Variants in MAP3K19 observed in about 807,000 individuals in gnomAD.
The protein encoded by MAP3K19 is mitogen-activated protein kinase kinase kinase 19.
A neutral mutation model predicts 114.4 loss-of-function variants in MAP3K19; 91 were observed. The observed-to-expected ratio is 0.80, with a 90% confidence interval of 0.67 to 0.95. MAP3K19 has a LOEUF of 0.95. MAP3K19 is among the 40% of genes least tolerant of loss of function. MAP3K19 has a pLI of 0.00. For missense variants in MAP3K19, 1,471 were observed against 1,573.2 expected, an observed-to-expected ratio of 0.94 and a Z score of 1.10; for synonymous variants, 518 against 530.5, an observed-to-expected ratio of 0.98 and a Z score of 0.32.
In MAP3K19 at chr2:134,986,896, C is replaced by G. The variant is rs749661940; in HGVS notation, c.1976G>C (p.Gly659Ala). Residue 659 changes from glycine (G) to alanine (A), a missense_variant, in exon 10 of 13, where the codon GGA (glycine) becomes GCA (alanine). Coordinates refer to ENST00000392915, the MANE Select transcript of MAP3K19 (RefSeq NM_025052.5). ...MFKEINSTAN[G>A]PGIYEMFGTP... is the part of the protein sequence containing the mutation. ...CCCAAACATTTCATAGATTCCAGGT[C>G]CATTAGCAGTTGAATTGATTTCTTT... The G allele has an allele frequency of 1.2e-6, 2 of 1,613,998 alleles. No individual in the cohort carries two copies. Among genetic ancestry groups the G allele is most frequent in the Non-Finnish European group, 1.7e-6 (2 of 1,180,044 alleles).
At chr2:134,984,482 G>A (rs1466569032) in intron 10 of MAP3K19, among the ~76,000 whole-genome samples, 1 of 151,988 alleles carries the variant, frequency 6.6e-6, no homozygotes, top group African/African-American at 2.4e-5. Flanking sequence ...GACCTACAAT[G>A]TGCAGCAACC....
intron 5 of MAP3K19, among the ~76,000 whole-genome samples, chr2:135,015,837 G>A (rs914500190): frequency 7.9e-5 from 12 of 151,556 alleles, no homozygotes; most frequent in African/African-American, 2.7e-4. Context: ...AGGTTGCAGT[G>A]AGCCGAGATT....
At position 134,987,951 on chromosome 2, in the gene MAP3K19, G is replaced by A. The variant is rs149781960; in HGVS notation, c.921C>T (p.Asn307=). 9.7e-4 allele frequency: 1,564 copies of A among 1,614,186 alleles called. 15 individuals are homozygous for A. In the Middle Eastern group the frequency reaches 0.027, roughly 28 times the overall value. Residue 307 remains asparagine, a synonymous_variant, in exon 10 of 13, where the codon AAC becomes AAT. Transcript: ENST00000392915. ...HHRQCLEKEE[N]WKSKEIEECN... Reference sequence around the variant, plus strand: ...ATTCTTCTATTTCCTTGGATTTCCAGTTTTCCTCCTTCTCCAGGCATTGCC... The same window carrying A: ...ATTCTTCTATTTCCTTGGATTTCCAATTTTCCTCCTTCTCCAGGCATTGCC...
Position 134,988,108 on chromosome 2 carries a change from G to C in MAP3K19, c.764C>G (p.Ser255Cys), listed in dbSNP as rs1189036846. The change falls in exon 10 of 13, where the codon TCT becomes TGT. Residue 255 changes from serine (S) to cysteine (C), a missense_variant. Ser to Cys is a moderately radical substitution (Grantham distance 112). Coordinates refer to ENST00000392915, the MANE Select transcript of MAP3K19 (RefSeq NM_025052.5). ...VPKLSVSVRQ[S>C]DELSPSNEPP... ...CTCGTTTGATGGGCTGAGCTCATCAGATTGACGAACAGACACTGAGAGCTT... is the reference window on the plus strand; with the variant it reads ...CTCGTTTGATGGGCTGAGCTCATCACATTGACGAACAGACACTGAGAGCTT... 1 of 1,614,104 alleles carries C rather than the reference G, an allele frequency of 6.2e-7. No individual in the cohort carries two copies. Among genetic ancestry groups the C allele is most frequent in the African/African-American group, 1.3e-5 (1 of 75,036 alleles).
At chr2:135,032,212 C>G (rs1422567188) in intron 2 of MAP3K19, among the ~76,000 whole-genome samples, 1 of 151,904 alleles carries the variant, frequency 6.6e-6, no homozygotes, top group Non-Finnish European at 1.5e-5. Context: ...CAAAAATTAG[C>G]CAGGCACAGT....
At chr2:135,023,718 C>T in intron 4 of MAP3K19, 2 of 385,924 alleles carry the variant, frequency 5.2e-6, no homozygotes, top group Non-Finnish European at 1.0e-5. Context: ...ACTCTCACAC[C>T]CCACCCAAGG....
chr2:135,000,574 A>G (rs2105296720), intron 6 of MAP3K19, among the ~76,000 whole-genome samples: 1 of 152,332 alleles, frequency 6.6e-6, no homozygotes, highest in East Asian at 1.9e-4. Context: ...GTGTTCATTC[A>G]TTCCTTTTTT....
intron 12 of MAP3K19, among the ~76,000 whole-genome samples, chr2:134,975,770 C>A (rs569320687): frequency 6.6e-6 from 1 of 152,170 alleles, no homozygotes; most frequent in Non-Finnish European, 1.5e-5. Context: ...AGGGCACATG[C>A]AAATGTGCTG....
chr2:135,001,750 A>C (rs1281239823), intron 6 of MAP3K19, among the ~76,000 whole-genome samples: 2 of 152,248 alleles, frequency 1.3e-5, no homozygotes, highest in Non-Finnish European at 2.9e-5. Flanking sequence ...CATATTTAAG[A>C]ACAACTGTAC....
At chr2:135,037,026 TC>T in intron 2 of MAP3K19, among the ~76,000 whole-genome samples, 1 of 150,468 alleles carries the variant, frequency 6.6e-6, no homozygotes, top group Non-Finnish European at 1.5e-5. Flanking sequence ...AGACAGAATC[TC>T]CCTCTGTTGC....
intron 6 of MAP3K19, among the ~76,000 whole-genome samples, chr2:135,003,320 A>G (rs1686583862): frequency 6.6e-6 from 1 of 152,144 alleles, no homozygotes; most frequent in African/African-American, 2.4e-5. Flanking sequence ...TGGTATATGA[A>G]CTTCCTAATA....
At chr2:135,021,616 A>G (rs1687984634) in intron 5 of MAP3K19, 99 bp downstream of exon 5, 1 of 634,402 alleles carries the variant, frequency 1.6e-6, no homozygotes, top group Admixed American at 3.4e-5. Flanking sequence ...ACTTAAAAAT[A>G]AAATTGTAAT....
At chr2:135,029,019 C>T (rs1053140467) in intron 3 of MAP3K19, among the ~76,000 whole-genome samples, 3 of 152,152 alleles carry the variant, frequency 2.0e-5, no homozygotes, top group African/African-American at 2.4e-5. Context: ...GATCCAGTTA[C>T]AGGTACCAGT....
chr2:135,004,507 G>A (rs1318046727), intron 6 of MAP3K19, among the ~76,000 whole-genome samples: 1 of 152,208 alleles, frequency 6.6e-6, no homozygotes, highest in African/African-American at 2.4e-5. Context: ...GCGAAGGGAT[G>A]AGAAACACGG....
At chr2:134,969,499 G>A (rs1683711628) in intron 12 of MAP3K19, among the ~76,000 whole-genome samples, 1 of 152,184 alleles carries the variant, frequency 6.6e-6, no homozygotes, top group African/African-American at 2.4e-5. Context: ...TTGTTGATTA[G>A]TGATGTTGAG....
intron 2 of MAP3K19, among the ~76,000 whole-genome samples, chr2:135,034,858 G>GGGGAGA (rs1574056063): frequency 3.1e-5 from 1 of 31,840 alleles, no homozygotes; most frequent in Non-Finnish European, 8.1e-5. Flanking sequence ...GGAGGGGGAG[G>GGGGAGA]GGGAGAGGGA....
rs1684892329 is a variant in MAP3K19, at chr2:134,983,806, C to G, written c.3092G>C (p.Arg1031Thr). ...AAATTTCTCCTCCCTGTCATATATC[C>G]TGAGCCCACTACTATGCCTCTGGAA... ...VKIQRHSSGL[R>T]IYDREEKFLI... Residue 1031 changes from arginine (R) to threonine (T), a missense_variant, in exon 11 of 13, where the codon AGG (arginine) becomes ACG (threonine). Arg to Thr is a moderately conservative substitution (Grantham distance 71, BLOSUM62 -1). Coordinates refer to ENST00000392915, the MANE Select transcript of MAP3K19 (RefSeq NM_025052.5). The G allele has an allele frequency of 6.3e-7, 1 of 1,593,348 alleles. No homozygotes were observed. Among genetic ancestry groups the G allele is most frequent in the African/African-American group, 1.4e-5 (1 of 73,616 alleles).
intron 8 of MAP3K19, among the ~76,000 whole-genome samples, chr2:134,996,541 C>A (rs1316021283): frequency 6.6e-6 from 1 of 152,132 alleles, no homozygotes; most frequent in Non-Finnish European, 1.5e-5. Flanking sequence ...AAAGAAAGGG[C>A]AACTCATCCA....
chr2:135,032,280 C>T (rs1347679714), intron 2 of MAP3K19, among the ~76,000 whole-genome samples: 1 of 150,884 alleles, frequency 6.6e-6, no homozygotes, highest in Non-Finnish European at 1.5e-5. Flanking sequence ...TTGCTTGAAA[C>T]CAGGGGGCAG....
Sources: allele counts gnomAD v4.1 joint callset (sites outside exome capture counted in the v4.1 genomes callset), GRCh38; gene constraint gnomAD v4.1.1; transcripts MANE v1.5; gene names NCBI Gene and HGNC (gene_info 2026-07-23, HGNC 2026-07-21).